MYO7B: variants seen among roughly 807,000 people sequenced by gnomAD.
The protein encoded by MYO7B is unconventional myosin-VIIb.
Under a neutral mutation model 259.7 loss-of-function variants are expected in MYO7B, and 212 were observed. The observed-to-expected ratio is 0.82, with a 90% CI of 0.73 to 0.91. MYO7B has a LOEUF of 0.91. Among genes scored for constraint, MYO7B ranks in the 40% least tolerant of loss-of-function variants. The pLI is 0.00. For synonymous variants in MYO7B, 1,197 were observed against 1,166.4 expected (o/e 1.03, Z -0.54); for missense variants, 2,732 against 2,813.5 (o/e 0.97, Z 0.66).
rs376678353 is a variant in MYO7B at position 127,609,935 on chromosome 2, C to A, written c.3111C>A (p.Gly1037=). ...PVLYARSSQQ[G]SSVMRQIHDT... is the part of the protein sequence containing the mutation. ...TGTATGCCAGGAGCAGCCAGCAGGG[C>A]AGCTCAGTGATGCGGCAGATCCATG... Residue 1037 remains glycine, a synonymous_variant, in exon 24 of 48, where the codon GGC becomes GGA. Coordinates refer to ENST00000409816, the MANE Select transcript of MYO7B (RefSeq NM_001393586.1). The surrounding 1 kb of genome is among the most constrained non-coding windows in gnomAD (Gnocchi z 6.9). 22 of 1,608,816 alleles carry A rather than the reference C, an allele frequency of 1.4e-5. No homozygotes were observed. The African/African-American group carries it at 2.1e-4, about 16-fold the overall frequency.
In MYO7B at chr2:127,590,481, G is replaced by A. The variant is rs1679515941; in HGVS notation, c.1992+252G>A. Among the ~76,000 whole-genome samples the A allele has an allele frequency of 6.6e-6, 1 of 152,216 alleles. No homozygotes were observed. Among genetic ancestry groups the A allele is most frequent in the Non-Finnish European group, 1.5e-5 (1 of 68,034 alleles). Reference sequence around the variant, plus strand: ...TGCATCTTCTGTGCGTTCTTGGCCTGGCTCTTTGCTGCTGTGAGCCTCAGT... The same window carrying A: ...TGCATCTTCTGTGCGTTCTTGGCCTAGCTCTTTGCTGCTGTGAGCCTCAGT... On this transcript the variant is annotated intron_variant, in intron 16 of 47. Coordinates refer to ENST00000409816, the MANE Select transcript of MYO7B (RefSeq NM_001393586.1). The surrounding 1 kb of genome is among the most constrained non-coding windows in gnomAD (Gnocchi z 4.6).
intron 1 of MYO7B, among the ~76,000 whole-genome samples, chr2:127,547,578 A>G (rs560355921): frequency 2.0e-5 from 3 of 152,224 alleles, no homozygotes; most frequent in Non-Finnish European, 4.4e-5. Context: ...CTTGAGTGTC[A>G]TAAAGATATG....
Position 127,628,354 on chromosome 2 carries a change from G to T in MYO7B, c.4461-18G>T. The stretch of plus-strand genomic sequence containing the variant: ...GAAGGTGGAGGGGGCTCCTGGTCAC[G>T]CTGTCCTTCATCTCCAGGGAGGCCC... On this transcript the variant is annotated intron_variant, in intron 33 of 47. Transcript: ENST00000409816. This position sits in a 1 kb window ranked among gnomAD's most constrained non-coding sequence, Gnocchi z 4.8. 1 of 1,590,406 alleles carries T rather than the reference G, an allele frequency of 6.3e-7. No homozygotes were observed. Among genetic ancestry groups the T allele is most frequent in the Non-Finnish European group, 8.5e-7 (1 of 1,171,222 alleles).
At chr2:127,555,066 G>A (rs951610207) in intron 1 of MYO7B, among the ~76,000 whole-genome samples, 3 of 151,512 alleles carry the variant, frequency 2.0e-5, no homozygotes, top group African/African-American at 7.3e-5. Flanking sequence ...CTCTGCCTCA[G>A]CCTCCCAAGT....
At chr2:127,589,698 G>A (rs1679477962) in intron 15 of MYO7B, among the ~76,000 whole-genome samples, 1 of 129,762 alleles carries the variant, frequency 7.7e-6, no homozygotes, top group African/African-American at 3.0e-5. Context: ...GGGTGAGAGG[G>A]TGGATGGATA....
chr2:127,610,784 T>C (rs1484390367), intron 24 of MYO7B, among the ~76,000 whole-genome samples: 1 of 152,178 alleles, frequency 6.6e-6, no homozygotes, highest in East Asian at 1.9e-4. Context: ...TGCATAGGAA[T>C]CTAAAGGAGC....
chr2:127,537,572 A>G (rs1413429512), intron 1 of MYO7B, among the ~76,000 whole-genome samples: 1 of 152,188 alleles, frequency 6.6e-6, no homozygotes, highest in Non-Finnish European at 1.5e-5. Context: ...GTGGTGGCTC[A>G]TGCCTGTAAT....
intron 19 of MYO7B, among the ~76,000 whole-genome samples, chr2:127,602,042 AT>A (rs1276755997): frequency 3.3e-5 from 5 of 151,018 alleles, no homozygotes; most frequent in Admixed American, 1.3e-4. Flanking sequence ...TTTGTTTTCT[AT>A]TTTTTTCCTC....
intron 2 of MYO7B, among the ~76,000 whole-genome samples, chr2:127,561,751 T>G (rs1464209464): frequency 6.6e-6 from 1 of 151,798 alleles, no homozygotes; most frequent in Non-Finnish European, 1.5e-5. Flanking sequence ...TAATATAGAG[T>G]AGAGATTAGA....
Position 127,576,723 on chromosome 2 carries a change from T to C in MYO7B, c.849+15T>C. 6.5e-7 allele frequency: 1 copy of C among 1,531,730 alleles called. No homozygotes were observed. The highest frequency in any genetic ancestry group is 9.0e-7 in the Non-Finnish European group (1 of 1,109,134). 94.9% of individuals were successfully genotyped at this position (1,531,730 alleles called of 1,614,324 possible). On this transcript the variant is annotated intron_variant, in intron 8 of 47. Transcript: ENST00000409816. This position sits in a 1 kb window ranked among gnomAD's most constrained non-coding sequence, Gnocchi z 4.9. ...ACCTGACCATGGTGAGCTGCCCACCTGCCGCCTCCCAGTAGCCAGTGGAAG... is the reference window on the plus strand; with the variant it reads ...ACCTGACCATGGTGAGCTGCCCACCCGCCGCCTCCCAGTAGCCAGTGGAAG...
chr2:127,573,352 A>T (rs1678727016), intron 6 of MYO7B, among the ~76,000 whole-genome samples: 1 of 152,224 alleles, frequency 6.6e-6, no homozygotes, highest in Admixed American at 6.5e-5. Context: ...AATGCAAAAT[A>T]TCTTTCTTAC....
At chr2:127,556,576 T>C (rs1246425033) in intron 1 of MYO7B, among the ~76,000 whole-genome samples, 1 of 152,206 alleles carries the variant, frequency 6.6e-6, no homozygotes, top group Non-Finnish European at 1.5e-5. Context: ...CTTGCAGTGC[T>C]GGCTTGGTAG....
rs887712038 is a variant in MYO7B at position 127,627,617 on chromosome 2, C to T, written c.4460+307C>T. 20 of 505,856 alleles carry T rather than the reference C, an allele frequency of 4.0e-5. No individual in the cohort carries two copies. In the East Asian group the frequency reaches 8.3e-4, roughly 21 times the overall value. 31.3% of individuals were successfully genotyped at this position (505,856 alleles called of 1,614,324 possible). A position where few individuals can be genotyped will look rare whatever the true frequency, so the allele number is the denominator to read the frequency against. ...CTCTGGCGGGCACTTATTTAGAAGG[C>T]TCCTTTCTTTGTCATGGACGAGAAC... On this transcript the variant is annotated intron_variant, in intron 33 of 47. Coordinates refer to ENST00000409816, the MANE Select transcript of MYO7B (RefSeq NM_001393586.1). This position sits in a 1 kb window ranked among gnomAD's most constrained non-coding sequence, Gnocchi z 5.6.
chr2:127,607,165 G>A lies in MYO7B; in HGVS notation c.2425-41G>A. 7 of 1,509,588 alleles carry A rather than the reference G, an allele frequency of 4.6e-6. No homozygotes were observed. The highest frequency in any genetic ancestry group is 5.3e-6 in the Non-Finnish European group (6 of 1,121,648). The allele number at this position is 1,509,588 out of a possible 1,614,324, so 93.5% of individuals were successfully genotyped here. A position where few individuals can be genotyped will look rare whatever the true frequency, so the allele number is the denominator to read the frequency against. On this transcript the variant is annotated intron_variant, in intron 20 of 47. Transcript: ENST00000409816. The surrounding 1 kb of genome is among the most constrained non-coding windows in gnomAD (Gnocchi z 4.4). ...CACCCCTCTCTGTTTCCTGGGGAAG[G>A]CCTTCTTGCCCCTGATCTCACCTCT...
chr2:127,621,238 A>G (rs933023143), intron 27 of MYO7B, among the ~76,000 whole-genome samples: 6 of 149,232 alleles, frequency 4.0e-5, no homozygotes, highest in Non-Finnish European at 7.4e-5. Context: ...TGTTGGGGAC[A>G]TGGACTCTTC....
At chr2:127,568,822 G>C (rs1191114033) in intron 5 of MYO7B, among the ~76,000 whole-genome samples, 1 of 151,864 alleles carries the variant, frequency 6.6e-6, no homozygotes, top group Non-Finnish European at 1.5e-5. Flanking sequence ...GCTGGAACTG[G>C]AGTGGGCGGA....
At chr2:127,599,320 A>G (rs1437784469) in intron 19 of MYO7B, among the ~76,000 whole-genome samples, 1 of 152,132 alleles carries the variant, frequency 6.6e-6, no homozygotes, top group Admixed American at 6.5e-5. Context: ...ATGGTACTGT[A>G]TTTTTAATTT....
intron 26 of MYO7B, among the ~76,000 whole-genome samples, chr2:127,619,624 A>G (rs1680749916): frequency 6.6e-6 from 1 of 152,052 alleles, no homozygotes; most frequent in African/African-American, 2.4e-5. Context: ...GAACATGTAC[A>G]CCACAGAAAT....
chr2:127,567,757 G>A (rs1262644318), intron 5 of MYO7B, among the ~76,000 whole-genome samples: 4 of 152,204 alleles, frequency 2.6e-5, no homozygotes, highest in South Asian at 2.1e-4. Flanking sequence ...TGAGGCAGCA[G>A]CTAACAAAAG....
Sources: allele counts gnomAD v4.1 joint callset (sites outside exome capture counted in the v4.1 genomes callset), GRCh38; gene constraint gnomAD v4.1.1; non-coding constraint Gnocchi (gnomAD v3.1); transcripts MANE v1.5; gene names NCBI Gene and HGNC (gene_info 2026-07-23, HGNC 2026-07-21).